Variants in IMMP2L observed in about 807,000 individuals in gnomAD.
The protein encoded by IMMP2L is inner mitochondrial membrane peptidase subunit 2, also known as mitochondrial inner membrane protease subunit 2.
IMMP2L carries 18 observed loss-of-function variants against 19.3 expected under a neutral mutation model. The ratio of observed to expected loss-of-function variants is 0.93; its 90% CI spans 0.64 to 1.38. The LOEUF (loss-of-function observed/expected upper bound fraction) is 1.38, where lower values mean the gene tolerates loss of function less well. Among genes scored for constraint, IMMP2L ranks in the 40% most tolerant of loss-of-function variants. IMMP2L has a pLI of 0.00. For missense variants in IMMP2L, 233 were observed against 218.2 expected, an observed-to-expected ratio of 1.07 and a Z score of -0.43; for synonymous variants, 76 against 73.0, an observed-to-expected ratio of 1.04 and a Z score of -0.21.
At chr7:111,480,550 C>T in intron 3 of IMMP2L, among the ~76,000 whole-genome samples, 1 of 97,810 alleles carries the variant, frequency 1.0e-5, no homozygotes. Flanking sequence ...TTGAAAGTAC[C>T]AAAAATAAAC....
intron 5 of IMMP2L, among the ~76,000 whole-genome samples, chr7:110,693,366 C>T (rs1260972694): frequency 2.0e-5 from 3 of 152,180 alleles, no homozygotes; most frequent in Non-Finnish European, 4.4e-5. Context: ...TTTCAAATGT[C>T]ACAATGGAAA....
At chr7:110,869,002 C>T (rs6967600) in intron 5 of IMMP2L, among the ~76,000 whole-genome samples, 5 of 151,718 alleles carry the variant, frequency 3.3e-5, no homozygotes, top group African/African-American at 1.2e-4. Flanking sequence ...GTTTTTCTAA[C>T]ACAAGAATAT....
chr7:111,241,209 T>C (rs768238621), intron 3 of IMMP2L, among the ~76,000 whole-genome samples: 7 of 151,926 alleles, frequency 4.6e-5, no homozygotes, highest in Admixed American at 1.3e-4. Flanking sequence ...ATTTAAAGCA[T>C]CTGAAAATAC....
At chr7:111,255,457 T>C (rs1816599337) in intron 3 of IMMP2L, among the ~76,000 whole-genome samples, 1 of 150,866 alleles carries the variant, frequency 6.6e-6, no homozygotes, top group African/African-American at 2.4e-5. Flanking sequence ...CATTATAGTA[T>C]TTTTTTTTAC....
intron 3 of IMMP2L, among the ~76,000 whole-genome samples, chr7:111,353,364 C>A (rs1211839098): frequency 6.6e-6 from 1 of 152,176 alleles, no homozygotes; most frequent in Non-Finnish European, 1.5e-5. Context: ...CAAGGCAACA[C>A]TTATTTAATA....
At chr7:111,113,775 A>C (rs893154960) in intron 3 of IMMP2L, among the ~76,000 whole-genome samples, 1 of 152,158 alleles carries the variant, frequency 6.6e-6, no homozygotes, top group African/African-American at 2.4e-5. Flanking sequence ...CTGTCATTCA[A>C]GCAGGGGAAT....
chr7:111,018,789 TA>T (rs1394253381), intron 3 of IMMP2L, among the ~76,000 whole-genome samples: 75 of 6,736 alleles, frequency 0.011, 1 homozygote, highest in African/African-American at 0.045. Flanking sequence ...TGTGTCTTTT[TA>T]TTATTATTAT....
At chr7:111,506,457 G>A (rs1318994259) in intron 2 of IMMP2L, among the ~76,000 whole-genome samples, 1 of 151,982 alleles carries the variant, frequency 6.6e-6, no homozygotes, top group Non-Finnish European at 1.5e-5. Context: ...CAGTGCAGTG[G>A]TGCAATCTCA....
At chr7:111,239,391 A>G (rs1814729074) in intron 3 of IMMP2L, among the ~76,000 whole-genome samples, 2 of 152,052 alleles carry the variant, frequency 1.3e-5, no homozygotes, top group South Asian at 2.1e-4. Context: ...TAATTTTCAC[A>G]AACTTTCGAT....
At chr7:111,025,633 C>T (rs1826728191) in intron 3 of IMMP2L, among the ~76,000 whole-genome samples, 1 of 152,068 alleles carries the variant, frequency 6.6e-6, no homozygotes, top group African/African-American at 2.4e-5. Flanking sequence ...TGGCTTACAC[C>T]TCTAATTACA....
At chr7:110,922,691 A>G (rs1585279791) in intron 4 of IMMP2L, among the ~76,000 whole-genome samples, 1 of 152,194 alleles carries the variant, frequency 6.6e-6, no homozygotes, top group South Asian at 2.1e-4. Flanking sequence ...CTGATCCAAT[A>G]TCACTGTCCT....
rs112591054 is a variant in IMMP2L, at chr7:110,832,481, C to T, written c.408+54112G>A. ...CACTCTCTTCAGCTGACAAGCCTGC[C>T]TTCCCTATTTTTCACAATCTAAAAG... On this transcript the variant is annotated intron_variant, in intron 5 of 5. Transcript: ENST00000405709. Among the ~76,000 whole-genome samples the T allele has an allele frequency of 3.5e-3, 532 of 152,128 alleles. 4 individuals carry two copies. The highest frequency in any genetic ancestry group is 0.012 in the African/African-American group (507 of 41,514).
intron 5 of IMMP2L, among the ~76,000 whole-genome samples, chr7:110,839,227 T>G (rs2131433336): frequency 6.6e-6 from 1 of 152,220 alleles, no homozygotes; most frequent in East Asian, 1.9e-4. Context: ...CATTCGCTAT[T>G]AGCAAAATTA....
At chr7:111,360,676 A>T (rs1829177092) in intron 3 of IMMP2L, among the ~76,000 whole-genome samples, 1 of 151,974 alleles carries the variant, frequency 6.6e-6, no homozygotes, top group Non-Finnish European at 1.5e-5. Context: ...AAATTAGTCA[A>T]GCATGGTGGC....
intron 5 of IMMP2L, among the ~76,000 whole-genome samples, chr7:110,685,071 G>A (rs906205413): frequency 3.3e-5 from 5 of 152,068 alleles, no homozygotes; most frequent in Non-Finnish European, 7.4e-5. Context: ...GGGGGAAGGG[G>A]ATGTCTCAAC....
intron 3 of IMMP2L, among the ~76,000 whole-genome samples, chr7:111,183,147 G>A (rs1807897109): frequency 6.6e-6 from 1 of 152,010 alleles, no homozygotes; most frequent in Admixed American, 6.6e-5. Context: ...TTAACCCCAT[G>A]ATGCCTGCAA....
At position 110,675,699 on chromosome 7, in the gene IMMP2L, AC is replaced by A. The variant is rs1792248433; in HGVS notation, c.409-11979del. Among the ~76,000 whole-genome samples, 5 of 152,322 alleles carry A rather than the reference AC, an allele frequency of 3.3e-5. No homozygotes were observed. The South Asian group carries it at 8.3e-4, about 25-fold the overall frequency. On this transcript the variant is annotated intron_variant, in intron 5 of 5. Transcript: ENST00000405709. ...AGCTTTAAAATAAGTTTTAAATAAA[AC>A]TTACAGTTTTAAAATAAATTTGGTT...
chr7:111,010,602 T>C (rs1824838149), intron 3 of IMMP2L, among the ~76,000 whole-genome samples: 2 of 152,134 alleles, frequency 1.3e-5, no homozygotes. Flanking sequence ...TACGAAATTG[T>C]TGCGCTACAG....
At chr7:110,667,633 A>T (rs1365664975) in intron 5 of IMMP2L, among the ~76,000 whole-genome samples, 1 of 152,184 alleles carries the variant, frequency 6.6e-6, no homozygotes. Context: ...GAGCCAAGGA[A>T]TGCAGGCAGC....
Sources: gnomAD v4.1 joint callset for allele counts (sites outside exome capture counted in the v4.1 genomes callset) on GRCh38, gnomAD v4.1.1 for gene constraint, MANE v1.5 for transcripts, NCBI Gene and HGNC (gene_info 2026-07-23, HGNC 2026-07-21) for gene names.